TECRL: variants seen among roughly 807,000 people sequenced by gnomAD.
TECRL encodes the protein trans-2,3-enoyl-CoA reductase like.
In TECRL, 63 loss-of-function variants were observed where a neutral mutation model predicts 52.8. That is an observed-to-expected ratio of 1.19 (90% CI 0.97 to 1.47). TECRL has a LOEUF of 1.47. TECRL is among the 40% of genes most tolerant of loss of function. The probability of loss-of-function intolerance (pLI) is 0.00; values close to 1 mark genes in which losing one functional copy is unlikely to be tolerated. For missense variants in TECRL, 482 were observed against 429.6 expected, an observed-to-expected ratio of 1.12 and a Z score of -1.08; for synonymous variants, 164 against 141.9, an observed-to-expected ratio of 1.16 and a Z score of -1.10.
intron 8 of TECRL, 65 bp from the exon 9 acceptor site, chr4:64,289,832 C>A (rs1328607267): frequency 9.8e-7 from 1 of 1,018,384 alleles, no homozygotes; most frequent in Non-Finnish European, 1.4e-6. Flanking sequence ...AAAACATATT[C>A]TAGAGTTATA....
At chr4:64,304,535 AT>A (rs143661114) in intron 7 of TECRL, among the ~76,000 whole-genome samples, 452 of 152,212 alleles carry the variant, frequency 3.0e-3, no homozygotes, top group African/African-American at 7.7e-3. Flanking sequence ...ATGAGAAATC[AT>A]TTAATTGTTG....
intron 2 of TECRL, among the ~76,000 whole-genome samples, chr4:64,338,487 C>G (rs1439802820): frequency 6.6e-6 from 1 of 152,056 alleles, no homozygotes; most frequent in Admixed American, 6.5e-5. Flanking sequence ...CCATCAGAGT[C>G]AACCGGCAAC....
downstream of TECRL, chr4:64,276,923 G>A: frequency 4.4e-6 from 3 of 677,636 alleles, no homozygotes; most frequent in Non-Finnish European, 7.1e-6. Flanking sequence ...TGTAAATGAA[G>A]GTTAGGTTTT....
chr4:64,355,894 A>T (rs1353234936), intron 2 of TECRL, among the ~76,000 whole-genome samples: 3 of 152,116 alleles, frequency 2.0e-5, no homozygotes, highest in African/African-American at 7.2e-5. Context: ...GAAAAGAAAG[A>T]GAGATCAGGC....
chr4:64,371,963 G>C (rs1241659840), intron 2 of TECRL, among the ~76,000 whole-genome samples: 8 of 151,724 alleles, frequency 5.3e-5, no homozygotes, highest in African/African-American at 1.9e-4. Flanking sequence ...ATAAATAATA[G>C]AGACACACAG....
intron 2 of TECRL, among the ~76,000 whole-genome samples, chr4:64,347,013 T>C (rs376292045): frequency 2.0e-4 from 31 of 152,318 alleles, no homozygotes; most frequent in African/African-American, 5.8e-4. Flanking sequence ...TTGTGTTATT[T>C]GACATTCAGT....
chr4:64,333,920 AG>A, intron 2 of TECRL, among the ~76,000 whole-genome samples: 1 of 139,174 alleles, frequency 7.2e-6, no homozygotes, highest in South Asian at 2.3e-4. Flanking sequence ...GCTACTCGGG[AG>A]GCTGAGGCAG....
chr4:64,315,813 A>G (rs1717458511), intron 4 of TECRL, among the ~76,000 whole-genome samples: 3 of 152,140 alleles, frequency 2.0e-5, no homozygotes. Flanking sequence ...CAAATACATA[A>G]ATAGTAATTT....
At chr4:64,301,889 A>T (rs1450343919) in intron 7 of TECRL, among the ~76,000 whole-genome samples, 2 of 151,316 alleles carry the variant, frequency 1.3e-5, no homozygotes, top group South Asian at 2.1e-4. Context: ...ACAAAGTTAT[A>T]GGTAGTGCGA....
chr4:64,369,304 C>T (rs749742398), intron 2 of TECRL, among the ~76,000 whole-genome samples: 7 of 152,052 alleles, frequency 4.6e-5, no homozygotes, highest in Non-Finnish European at 1.0e-4. Context: ...TTCACTCTTC[C>T]TCTATATTCA....
chr4:64,396,688 T>C (rs1207959770), intron 1 of TECRL, among the ~76,000 whole-genome samples: 1 of 152,194 alleles, frequency 6.6e-6, no homozygotes, highest in Admixed American at 6.5e-5. Flanking sequence ...TTTTATTATG[T>C]TGTAATTGCT....
At chr4:64,396,245 A>C (rs1200411348) in intron 1 of TECRL, among the ~76,000 whole-genome samples, 1 of 152,164 alleles carries the variant, frequency 6.6e-6, no homozygotes, top group Non-Finnish European at 1.5e-5. Context: ...AGAAATCTCC[A>C]ACTGCTTTCC....
At chr4:64,366,840 T>A (rs1721631484) in intron 2 of TECRL, among the ~76,000 whole-genome samples, 1 of 152,038 alleles carries the variant, frequency 6.6e-6, no homozygotes, top group South Asian at 2.1e-4. Flanking sequence ...GATTTCCCAA[T>A]GAATTTACAA....
intron 2 of TECRL, among the ~76,000 whole-genome samples, chr4:64,365,223 T>G (rs1721513039): frequency 8.9e-6 from 1 of 112,826 alleles, no homozygotes; most frequent in African/African-American, 3.1e-5. Context: ...AAAAAAAAGC[T>G]ATACATAAAA....
chr4:64,371,602 A>T (rs2109661288), intron 2 of TECRL, among the ~76,000 whole-genome samples: 1 of 151,768 alleles, frequency 6.6e-6, no homozygotes, highest in South Asian at 2.1e-4. Flanking sequence ...TTATTAATGC[A>T]AAATATCACA....
At chr4:64,339,532 T>C (rs886713297) in intron 2 of TECRL, among the ~76,000 whole-genome samples, 2 of 152,070 alleles carry the variant, frequency 1.3e-5, no homozygotes. Flanking sequence ...ATATTATTTC[T>C]TCTAATTGCT....
intron 1 of TECRL, among the ~76,000 whole-genome samples, chr4:64,386,367 A>G (rs2109730027): frequency 6.6e-6 from 1 of 152,240 alleles, no homozygotes; most frequent in Non-Finnish European, 1.5e-5. Context: ...TATCCTCATC[A>G]TCTTCATGCT....
chr4:64,404,806 A>C (rs1487093934), intron 1 of TECRL, among the ~76,000 whole-genome samples: 1 of 152,110 alleles, frequency 6.6e-6, no homozygotes, highest in Non-Finnish European at 1.5e-5. Flanking sequence ...AAATATTCTA[A>C]CAATAATTTG....
intron 11 of TECRL, 70 bp downstream of exon 11, chr4:64,280,970 CT>C: frequency 1.7e-6 from 2 of 1,179,886 alleles, no homozygotes; most frequent in South Asian, 2.9e-5. Context: ...ACTATAATAA[CT>C]TTTTCTCAGA....
Sources: gnomAD v4.1 joint callset for allele counts (sites outside exome capture counted in the v4.1 genomes callset) on GRCh38, gnomAD v4.1.1 for gene constraint, MANE v1.5 for transcripts, NCBI Gene and HGNC (gene_info 2026-07-23, HGNC 2026-07-21) for gene names.